HPSE2: variants seen among roughly 807,000 people sequenced by gnomAD.
HPSE2 encodes heparanase 2 (inactive).
A neutral mutation model predicts 60.5 loss-of-function variants in HPSE2; 38 were observed. The observed-to-expected ratio is 0.63, with a 90% CI of 0.48 to 0.82. The LOEUF (loss-of-function observed/expected upper bound fraction) is 0.82. Ranked by LOEUF, HPSE2 falls within the 40% of genes least tolerant of loss-of-function variation. HPSE2 has a pLI of 0.00. For missense variants in HPSE2, 713 were observed against 740.4 expected (o/e 0.96, Z 0.43); for synonymous variants, 295 against 293.2 (o/e 1.01, Z -0.06).
intron 3 of HPSE2, among the ~76,000 whole-genome samples, chr10:98,946,997 C>G (rs1283540501): frequency 6.9e-6 from 1 of 145,362 alleles, no homozygotes; most frequent in African/African-American, 2.7e-5. Flanking sequence ...AACCATGGGG[C>G]CCATAAGGAG....
chr10:98,508,221 G>A (rs1278715151), intron 9 of HPSE2, among the ~76,000 whole-genome samples: 1 of 152,208 alleles, frequency 6.6e-6, no homozygotes, highest in Non-Finnish European at 1.5e-5. Context: ...ACTAATAGCA[G>A]ATGACACTAA....
At chr10:98,739,811 A>G (rs1010845429) in intron 4 of HPSE2, among the ~76,000 whole-genome samples, 34 of 152,196 alleles carry the variant, frequency 2.2e-4, no homozygotes, top group African/African-American at 7.5e-4. Flanking sequence ...GCACATTTAT[A>G]GTTCATAATG....
At chr10:98,696,308 A>C (rs12572868) in intron 5 of HPSE2, among the ~76,000 whole-genome samples, 10,934 of 137,680 alleles carry the variant, frequency 0.079, 938 homozygotes, top group East Asian at 0.2. Context: ...AAAAAAAAAA[A>C]AAAAAAAAAA....
chr10:98,609,824 G>A (rs958942661), intron 9 of HPSE2, among the ~76,000 whole-genome samples: 1 of 142,342 alleles, frequency 7.0e-6, no homozygotes, highest in South Asian at 2.3e-4. Flanking sequence ...ATTAGGTGGT[G>A]TTCTTCTTCT....
intron 4 of HPSE2, among the ~76,000 whole-genome samples, chr10:98,732,068 C>G (rs1949241954): frequency 2.6e-5 from 4 of 151,962 alleles, no homozygotes; most frequent in Admixed American, 2.6e-4. Context: ...TACTTAAGAA[C>G]AAGTATTTAA....
chr10:98,620,478 GA>G, intron 8 of HPSE2, 123 bp downstream of exon 8: 1 of 730,230 alleles, frequency 1.4e-6, no homozygotes, highest in South Asian at 1.5e-5. Flanking sequence ...ATGAATGAAT[GA>G]AATGAACTTT....
chr10:98,818,641 T>C (rs1218345625), intron 3 of HPSE2, among the ~76,000 whole-genome samples: 1 of 152,174 alleles, frequency 6.6e-6, no homozygotes, highest in African/African-American at 2.4e-5. Context: ...CAAAACTTTA[T>C]ATCCACCTAT....
In HPSE2 at chr10:98,491,208, CTTTT is replaced by C. The variant is rs11337181; in HGVS notation, c.1321-1016_1321-1013del. Reference sequence around the variant, plus strand: ...TTTCAGGCAGAAGCCTTCTGATAATCTTTTTTTTTTTTCTTGTGTGGTCATTTAT... The same window carrying C: ...TTTCAGGCAGAAGCCTTCTGATAATCTTTTTTTTCTTGTGTGGTCATTTAT... On this transcript the variant is annotated intron_variant, in intron 9 of 11. Transcript: ENST00000370552. 2.7e-5 allele frequency among the ~76,000 whole-genome samples: 4 copies of C among 149,984 alleles called. No homozygotes were observed. The South Asian group carries it at 8.5e-4, about 32-fold the overall frequency.
chr10:98,972,662 A>T (rs556158312), intron 3 of HPSE2, among the ~76,000 whole-genome samples: 1 of 152,272 alleles, frequency 6.6e-6, no homozygotes, highest in Non-Finnish European at 1.5e-5. Flanking sequence ...AAGTTAATAA[A>T]AACAACTTTG....
At chr10:98,555,617 A>G (rs1312529599) in intron 9 of HPSE2, among the ~76,000 whole-genome samples, 4 of 152,218 alleles carry the variant, frequency 2.6e-5, no homozygotes, top group Admixed American at 2.6e-4. Context: ...ATACTTAACT[A>G]TTCTTCTGTG....
intron 3 of HPSE2, among the ~76,000 whole-genome samples, chr10:99,085,440 A>G (rs766089397): frequency 2.0e-5 from 3 of 152,142 alleles, no homozygotes; most frequent in Non-Finnish European, 4.4e-5. Context: ...CTCCCCTAAG[A>G]AGATAAGAAC....
chr10:98,820,879 C>T (rs1179968549), intron 3 of HPSE2, among the ~76,000 whole-genome samples: 1 of 152,100 alleles, frequency 6.6e-6, no homozygotes. Context: ...TTGTAGAAAC[C>T]GTAGAGAACT....
intron 9 of HPSE2, among the ~76,000 whole-genome samples, chr10:98,545,278 G>T (rs1009428795): frequency 7.2e-5 from 11 of 151,994 alleles, no homozygotes; most frequent in African/African-American, 2.7e-4. Flanking sequence ...AATAGAAAAA[G>T]AAGGAATCCT....
the HPSE2 span, among the ~76,000 whole-genome samples, chr10:99,258,694 A>T: frequency 6.6e-6 from 1 of 152,252 alleles, no homozygotes; most frequent in Non-Finnish European, 1.5e-5. Flanking sequence ...TCAGTAGAGC[A>T]GAATAGAGTC....
chr10:99,172,871 G>T (rs1847369368), intron 2 of HPSE2, among the ~76,000 whole-genome samples: 1 of 149,302 alleles, frequency 6.7e-6, no homozygotes, highest in East Asian at 2.0e-4. Flanking sequence ...GTGAAACTCT[G>T]TCTCAAAAAA....
intron 6 of HPSE2, among the ~76,000 whole-genome samples, chr10:98,658,739 A>G (rs2134080164): frequency 6.6e-6 from 1 of 152,332 alleles, no homozygotes; most frequent in East Asian, 1.9e-4. Context: ...GAAAAAAGAC[A>G]TTACTTTCAA....
In HPSE2 at chr10:98,740,351, T is replaced by G. The variant is rs187161557; in HGVS notation, c.784+3532A>C. On this transcript the variant is annotated intron_variant, in intron 4 of 11. Transcript: ENST00000370552. ...CTACCACGCCCAGCTAATTTTCTAG[T>G]TTTTTGTAGAGATGGGGTCTTGCTA... is the stretch of plus-strand genomic sequence containing the variant. 2.0e-5 allele frequency among the ~76,000 whole-genome samples: 3 copies of G among 152,052 alleles called. No homozygotes were observed. In the East Asian group the frequency reaches 5.8e-4, roughly 30 times the overall value.
At chr10:98,743,851 G>C in intron 4 of HPSE2, 32 bp downstream of exon 4, 1 of 1,585,838 alleles carries the variant, frequency 6.3e-7, no homozygotes, top group Non-Finnish European at 8.7e-7. Context: ...CCTTTATTTT[G>C]TCAATTCAGA....
At chr10:99,035,519 G>A (rs117771570) in intron 3 of HPSE2, among the ~76,000 whole-genome samples, 50 of 152,300 alleles carry the variant, frequency 3.3e-4, no homozygotes, top group Non-Finnish European at 5.6e-4. Flanking sequence ...TAGAAAGAGT[G>A]TGCTTAAAAT....
Sources: gnomAD v4.1 joint callset for allele counts (sites outside exome capture counted in the v4.1 genomes callset) on GRCh38, gnomAD v4.1.1 for gene constraint, MANE v1.5 for transcripts, NCBI Gene and HGNC (gene_info 2026-07-23, HGNC 2026-07-21) for gene names.